The following POLR3E variants were observed in gnomAD, a reference collection of about 807,000 sequenced individuals.
POLR3E encodes RNA polymerase III subunit E.
In POLR3E, 41 loss-of-function variants were observed where a neutral mutation model predicts 96.6. The observed-to-expected ratio is 0.42, with a 90% CI of 0.33 to 0.55. The LOEUF is 0.55. Ranked by LOEUF, POLR3E falls within the 20% of genes least tolerant of loss-of-function variation. The pLI is 0.06. For missense variants in POLR3E, 849 were observed against 952.1 expected (o/e 0.89, Z 1.43); for synonymous variants, 396 against 383.6 (o/e 1.03, Z -0.38).
chr16:22,320,776 C>G (rs1228789516), intron 13 of POLR3E, among the ~76,000 whole-genome samples: 1 of 152,082 alleles, frequency 6.6e-6, no homozygotes, highest in African/African-American at 2.4e-5. Context: ...TTTTGTGTGT[C>G]TGGAAATGTC....
At position 22,322,686 on chromosome 16, in the gene POLR3E, C is replaced by T. The variant is rs372796932; in HGVS notation, c.987-164C>T. 9.9e-5 allele frequency among the ~76,000 whole-genome samples: 15 copies of T among 152,040 alleles called. No individual in the cohort carries two copies. The East Asian group carries it at 1.4e-3, about 14-fold the overall frequency. ...GTGGGGTAGAGGGGTGCTTCTTTCC[C>T]ATGTCTGTGTTCACAGATGTGGCTC... On this transcript the variant is annotated intron_variant, in intron 13 of 20. Coordinates refer to ENST00000299853, the MANE Select transcript of POLR3E (RefSeq NM_018119.4). The surrounding 1 kb of genome is among the most constrained non-coding windows in gnomAD (Gnocchi z 5.2).
intron 6 of POLR3E, among the ~76,000 whole-genome samples, chr16:22,312,884 A>C (rs1320477895): frequency 6.6e-5 from 10 of 151,794 alleles, no homozygotes; most frequent in East Asian, 1.9e-4. Context: ...AAAAAAAAAA[A>C]AAAAAAAAAA....
At position 22,308,245 on chromosome 16, in the gene POLR3E, G is replaced by A. The variant is rs1408259281; in HGVS notation, c.165+20G>A. On this transcript the variant is annotated intron_variant, in intron 4 of 20. Transcript: ENST00000299853. ...CAGAAGGTGGGGCTGCCCCCTGAGGGCAGTTGGGGCCGAAAGAGAGGGTGA... is the reference window on the plus strand; with the variant it reads ...CAGAAGGTGGGGCTGCCCCCTGAGGACAGTTGGGGCCGAAAGAGAGGGTGA... The A allele has an allele frequency of 6.3e-7, 1 of 1,593,592 alleles. No individual in the cohort carries two copies. The highest frequency in any genetic ancestry group is 1.1e-5 in the South Asian group (1 of 90,648).
rs777961720 is a variant in POLR3E at position 22,313,664 on chromosome 16, C to T, written c.409C>T (p.Pro137Ser). 1 of 1,613,986 alleles carries T rather than the reference C, an allele frequency of 6.2e-7. No individual in the cohort carries two copies. The highest frequency in any genetic ancestry group is 8.5e-7 in the Non-Finnish European group (1 of 1,179,928). ...TPLHGILQLRPSFSYLDKADA... is the reference protein window; with the variant it reads ...TPLHGILQLRSSFSYLDKADA... ...TTTACATGGCATCCTGCAGCTGCGG[C>T]CCAGCTTCTCCTACCTGGATAAGGC... The change falls in exon 7 of 21, where the codon CCC becomes TCC. Residue 137 changes from proline to serine, a missense_variant. Coordinates refer to ENST00000299853, the MANE Select transcript of POLR3E (RefSeq NM_018119.4). This position sits in a 1 kb window ranked among gnomAD's most constrained non-coding sequence, Gnocchi z 4.1.
In POLR3E at chr16:22,315,192, A is replaced by G. The variant is rs1270484883; in HGVS notation, c.626A>G (p.His209Arg). ...GCAGAGGAGCCCTGGGTCCACCTGC[A>G]TTACTATGGCCTGAGGGTGAGCGGG... is the stretch of plus-strand genomic sequence containing the variant. The part of the protein sequence containing the change: ...KHAEEPWVHL[H>R]YYGLRDSRSE... Residue 209 changes from histidine (H) to arginine (R), a missense_variant, in exon 9 of 21, where the codon CAT becomes CGT. Physicochemically the swap from His to Arg is conservative, Grantham distance 29. Transcript: ENST00000299853. 3.8e-6 allele frequency: 6 copies of G among 1,596,588 alleles called. No individual in the cohort carries two copies. The highest frequency in any genetic ancestry group is 2.3e-5 in the South Asian group (2 of 88,504).
rs2048585833 is a variant in POLR3E at position 22,326,126 on chromosome 16, A to G, written c.1714A>G (p.Arg572Gly). ...LKAFVEATFQRQFVLTLSELK... is the reference protein window; with the variant it reads ...LKAFVEATFQGQFVLTLSELK... ...GGCCTTCGTGGAGGCCACCTTTCAG[A>G]GACAGTTTGTGCTCACGCTGAGCGA... Residue 572 changes from arginine to glycine, a missense_variant, in exon 18 of 21, where the codon AGA becomes GGA. Arg to Gly is a moderately radical substitution (Grantham distance 125, BLOSUM62 -2). Coordinates refer to ENST00000299853, the MANE Select transcript of POLR3E (RefSeq NM_018119.4). 6.2e-7 allele frequency: 1 copy of G among 1,613,828 alleles called. No homozygotes were observed. The highest frequency in any genetic ancestry group is 8.5e-7 in the Non-Finnish European group (1 of 1,180,000).
At position 22,308,971 on chromosome 16, in the gene POLR3E, G is replaced by A. The variant is rs145630346; in HGVS notation, c.212G>A (p.Arg71His). The A allele has an allele frequency of 2.7e-4, 440 of 1,614,004 alleles. 1 individual carries two copies. The highest frequency in any genetic ancestry group is 1.3e-3 in the Admixed American group (78 of 60,010). ...AIDTLNPNYC[R>H]SKGEQIALNV... ...GACACCCTGAACCCCAACTATTGCC[G>A]CAGCAAAGGGGAGCAGATTGCGCTG... The change falls in exon 5 of 21, where the codon CGC (arginine) becomes CAC (histidine). Residue 71 changes from arginine (R) to histidine (H), a missense_variant. Arg to His is a conservative substitution (Grantham distance 29). Transcript: ENST00000299853.
rs1163904440 is a variant in POLR3E, at chr16:22,318,490, T to A, written c.866-336T>A. Among the ~76,000 whole-genome samples, 1 of 152,172 alleles carries A rather than the reference T, an allele frequency of 6.6e-6. No individual in the cohort carries two copies. The highest frequency in any genetic ancestry group is 1.5e-5 in the Non-Finnish European group (1 of 68,016). On this transcript the variant is annotated intron_variant, in intron 12 of 20. Coordinates refer to ENST00000299853, the MANE Select transcript of POLR3E (RefSeq NM_018119.4). This position sits in a 1 kb window ranked among gnomAD's most constrained non-coding sequence, Gnocchi z 5.0. ...CCAAGTGGAGCCAAGTGGCTTGGGT[T>A]CACTTCCTGGCTCTGCTACTTCCTA...
Position 22,328,339 on chromosome 16 carries a change from A to G in POLR3E, c.1867-171A>G, listed in dbSNP as rs2048654667. The G allele has an allele frequency of 4.1e-5, 26 of 627,508 alleles. No individual in the cohort carries two copies. The South Asian group carries it at 4.8e-4, about 12-fold the overall frequency. The allele number at this position is 627,508 out of a possible 1,614,324, so 38.9% of individuals were successfully genotyped here. ...CTGGCCTCCTCCCCATGGTGAGGTG[A>G]GAGGCACAGGTTTGTGGCTGCCCAA... On this transcript the variant is annotated intron_variant, in intron 18 of 20. Coordinates refer to ENST00000299853, the MANE Select transcript of POLR3E (RefSeq NM_018119.4).
chr16:22,314,266 G>C, intron 8 of POLR3E, 138 bp downstream of exon 8: 2 of 694,908 alleles, frequency 2.9e-6, no homozygotes, highest in Admixed American at 4.3e-5. Context: ...GGGCTACCTG[G>C]AGGGAACAAC....
At chr16:22,312,805 T>C (rs2048272937) in intron 6 of POLR3E, among the ~76,000 whole-genome samples, 1 of 140,160 alleles carries the variant, frequency 7.1e-6, no homozygotes, top group African/African-American at 2.7e-5. Flanking sequence ...AGGTGGAGGT[T>C]GCACTGAGCC....
intron 13 of POLR3E, among the ~76,000 whole-genome samples, chr16:22,320,847 T>C (rs1160281152): frequency 1.3e-5 from 2 of 152,222 alleles, no homozygotes; most frequent in Admixed American, 6.5e-5. Flanking sequence ...CGCGTTGATA[T>C]GATTTTGTTG....
chr16:22,298,467 G>T (rs934849060), intron 1 of POLR3E, among the ~76,000 whole-genome samples: 5 of 152,166 alleles, frequency 3.3e-5, no homozygotes, highest in African/African-American at 1.2e-4. Flanking sequence ...CTGGAGGTCG[G>T]TACTTAGTTT....
At chr16:22,324,706 C>G (rs375337910) in intron 16 of POLR3E, 46 bp downstream of exon 16, 20 of 1,594,582 alleles carry the variant, frequency 1.3e-5, no homozygotes, top group Non-Finnish European at 1.6e-5. Flanking sequence ...ATCCCAGCAA[C>G]CCTGCATCCT....
rs2048204732 is a variant in POLR3E at position 22,309,602 on chromosome 16, C to T, written c.364+92C>T. ...TCCCCAGCCTGGTGTCCATCTCCCACCTGCCCTGAAAGCTAGACACCTGTG... is the reference window on the plus strand; with the variant it reads ...TCCCCAGCCTGGTGTCCATCTCCCATCTGCCCTGAAAGCTAGACACCTGTG... On this transcript the variant is annotated intron_variant, in intron 6 of 20. Coordinates refer to ENST00000299853, the MANE Select transcript of POLR3E (RefSeq NM_018119.4). 1.2e-5 allele frequency: 11 copies of T among 917,906 alleles called. 1 individual carries two copies. In the South Asian group the frequency reaches 1.4e-4, roughly 12 times the overall value. The allele number at this position is 917,906 out of a possible 1,614,324, so 56.9% of individuals were successfully genotyped here.
chr16:22,317,240 C>A, intron 12 of POLR3E, 34 bp downstream of exon 12: 1 of 1,492,344 alleles, frequency 6.7e-7, no homozygotes, highest in South Asian at 1.1e-5. Flanking sequence ...CCGGGGGCCC[C>A]AGTCCCAGTG....
Position 22,322,806 on chromosome 16 carries a change from G to A in POLR3E, c.987-44G>A, listed in dbSNP as rs1359192091. On this transcript the variant is annotated intron_variant, in intron 13 of 20. Coordinates refer to ENST00000299853, the MANE Select transcript of POLR3E (RefSeq NM_018119.4). This position sits in a 1 kb window ranked among gnomAD's most constrained non-coding sequence, Gnocchi z 5.2. Reference sequence around the variant, plus strand: ...GCCGGGAGGGGTAGCGGTAGAGGGGGCTCAGGGCAGGGACTGACCTGCCAT... The same window carrying A: ...GCCGGGAGGGGTAGCGGTAGAGGGGACTCAGGGCAGGGACTGACCTGCCAT... 2 of 1,378,156 alleles carry A rather than the reference G, an allele frequency of 1.5e-6. No individual in the cohort carries two copies. The highest frequency in any genetic ancestry group is 1.7e-5 in the Admixed American group (1 of 59,082). 85.4% of individuals were successfully genotyped at this position (1,378,156 alleles called of 1,614,324 possible).
At chr16:22,329,053 T>C in intron 19 of POLR3E, 1 of 174,428 alleles carries the variant, frequency 5.7e-6, no homozygotes, top group Non-Finnish European at 1.2e-5. Context: ...ACCACTGCAC[T>C]CCAGACTGGG....
Position 22,322,783 on chromosome 16 carries a change from C to A in POLR3E, c.987-67C>A. On this transcript the variant is annotated intron_variant, in intron 13 of 20. Coordinates refer to ENST00000299853, the MANE Select transcript of POLR3E (RefSeq NM_018119.4). The surrounding 1 kb of genome is among the most constrained non-coding windows in gnomAD (Gnocchi z 5.2). Reference sequence around the variant, plus strand: ...AAAGAAGCATGGACTGGGGCTTGGCCGGGAGGGGTAGCGGTAGAGGGGGCT... The same window carrying A: ...AAAGAAGCATGGACTGGGGCTTGGCAGGGAGGGGTAGCGGTAGAGGGGGCT... 1 of 1,133,410 alleles carries A rather than the reference C, an allele frequency of 8.8e-7. No individual in the cohort carries two copies. The highest frequency in any genetic ancestry group is 1.3e-6 in the Non-Finnish European group (1 of 756,780). The allele number at this position is 1,133,410 out of a possible 1,614,324, so 70.2% of individuals were successfully genotyped here.
Sources: gnomAD v4.1 joint callset for allele counts (sites outside exome capture counted in the v4.1 genomes callset) on GRCh38, gnomAD v4.1.1 for gene constraint, Gnocchi (gnomAD v3.1) non-coding constraint, MANE v1.5 for transcripts, NCBI Gene and HGNC (gene_info 2026-07-23, HGNC 2026-07-21) for gene names.